Variants in CSMD2 observed in about 807,000 individuals in gnomAD.
CSMD2 encodes the protein CUB and sushi domain-containing protein 2.
In CSMD2, 130 loss-of-function variants were observed where a neutral mutation model predicts 398.5. The observed-to-expected ratio is 0.33, with a 90% CI of 0.28 to 0.38. CSMD2 has a LOEUF of 0.38. Among genes scored for constraint, CSMD2 ranks in the 10% least tolerant of loss-of-function variants. CSMD2 has a pLI of 1.00. For missense variants in CSMD2, 3,829 were observed against 4,764.9 expected (o/e 0.80, Z 5.78); for synonymous variants, 1,828 against 1,908.5 (o/e 0.96, Z 1.10).
At chr1:34,051,415 T>A (rs1212749108) in intron 2 of CSMD2, among the ~76,000 whole-genome samples, 1 of 152,192 alleles carries the variant, frequency 6.6e-6, no homozygotes, top group African/African-American at 2.4e-5. Flanking sequence ...CTTTATTTTG[T>A]TATGAGTGTT....
Position 33,935,748 on chromosome 1 carries a change from C to A in CSMD2, c.712+12G>T. ...CTGCCCCACTCTGTCAGACCCCTTG[C>A]TGGCCACCTACCTCTGCAGGAAGGC... On this transcript the variant is annotated intron_variant, in intron 4 of 70. Transcript: ENST00000373381. 1.3e-6 allele frequency: 2 copies of A among 1,587,962 alleles called. No individual in the cohort carries two copies. The highest frequency in any genetic ancestry group is 1.7e-6 in the Non-Finnish European group (2 of 1,168,148).
At position 33,904,975 on chromosome 1, in the gene CSMD2, GT is replaced by G. The variant is rs35018321; in HGVS notation, c.920+13118del. On this transcript the variant is annotated intron_variant, in intron 5 of 70. Transcript: ENST00000373381. ...GGTTTTATGTTATATATATTTTTCC[GT>G]TTTTTTTTTTAAGAGACAGGGTCTC... Among the ~76,000 whole-genome samples, 1,265 of 145,884 alleles carry G rather than the reference GT, an allele frequency of 8.7e-3. 17 individuals carry two copies. The highest frequency in any genetic ancestry group is 0.028 in the African/African-American group (1,103 of 40,096).
intron 11 of CSMD2, 88 bp downstream of exon 11, chr1:33,792,335 C>G: frequency 1.2e-6 from 1 of 857,126 alleles, no homozygotes; most frequent in South Asian, 1.4e-5. Context: ...GTAGTATGGT[C>G]TAGGGACCAG....
chr1:33,625,151 T>A lies in CSMD2; in HGVS notation c.5400A>T (p.Glu1800Asp), dbSNP rs35761029. The part of the protein sequence containing the change: ...DFSVGAIVRF[E>D]CNSGYALQGS... ...CCTGCAGGGCATAGCCGGAGTTGCA[T>A]TCGAAGCGGACGATGGCCCCCACCG... Residue 1800 changes from glutamate (E) to aspartate (D), a missense_variant, in exon 34 of 71, where the codon GAA (glutamate) becomes GAT (aspartate). Glu to Asp is a conservative substitution (Grantham distance 45, BLOSUM62 2). Coordinates refer to ENST00000373381, the MANE Select transcript of CSMD2 (RefSeq NM_001281956.2). 0.01 allele frequency: 16,390 copies of A among 1,613,526 alleles called. 558 individuals are homozygous for A. In the East Asian group the frequency reaches 0.14, roughly 14 times the overall value.
intron 22 of CSMD2, among the ~76,000 whole-genome samples, chr1:33,703,768 A>C (rs1388184104): frequency 6.6e-6 from 1 of 152,200 alleles, no homozygotes; most frequent in Non-Finnish European, 1.5e-5. Flanking sequence ...CTCTTTGAAA[A>C]GGAATAGCAA....
chr1:33,559,611 ACCTTT>A lies in CSMD2; in HGVS notation c.8381-143_8381-139del. The A allele has an allele frequency of 2.7e-6, 2 of 733,936 alleles. No homozygotes were observed. Among genetic ancestry groups the A allele is most frequent in the South Asian group, 3.7e-5 (2 of 53,520 alleles). 45.5% of individuals were successfully genotyped at this position (733,936 alleles called of 1,614,324 possible). A position where few individuals can be genotyped will look rare whatever the true frequency, so the allele number is the denominator to read the frequency against. On this transcript the variant is annotated intron_variant, in intron 53 of 70. Coordinates refer to ENST00000373381, the MANE Select transcript of CSMD2 (RefSeq NM_001281956.2). This position sits in a 1 kb window ranked among gnomAD's most constrained non-coding sequence, Gnocchi z 4.0. The stretch of plus-strand genomic sequence containing the variant: ...TAACTTCAATCTCTTTTGCTGTAAA[ACCTTT>A]ATAAACTGAAATTGTCAGGGGAACA...
chr1:34,103,453 C>T (rs1014792109), intron 1 of CSMD2, among the ~76,000 whole-genome samples: 1 of 151,978 alleles, frequency 6.6e-6, no homozygotes, highest in East Asian at 1.9e-4. Flanking sequence ...CACCCGCCAC[C>T]ACGCCCAGCT....
At chr1:34,133,942 G>A (rs1306423457) in intron 1 of CSMD2, among the ~76,000 whole-genome samples, 1 of 150,682 alleles carries the variant, frequency 6.6e-6, no homozygotes, top group Non-Finnish European at 1.5e-5. Context: ...GGTAGTGTGT[G>A]CCAATAGTCC....
chr1:33,708,416 C>T (rs1407815127), intron 22 of CSMD2, among the ~76,000 whole-genome samples: 7 of 151,986 alleles, frequency 4.6e-5, no homozygotes, highest in Admixed American at 3.9e-4. Flanking sequence ...TACATGGACA[C>T]CGATTCACAC....
intron 47 of CSMD2, 95 bp downstream of exon 47, chr1:33,583,547 G>A (rs1557574869): frequency 8.0e-7 from 1 of 1,256,124 alleles, no homozygotes; most frequent in East Asian, 2.3e-5. Flanking sequence ...CTTCTGGCAA[G>A]CCCTGATAGG....
At chr1:33,897,112 T>C (rs1217733774) in intron 5 of CSMD2, among the ~76,000 whole-genome samples, 1 of 152,100 alleles carries the variant, frequency 6.6e-6, no homozygotes, top group African/African-American at 2.4e-5. Flanking sequence ...GTGGCTCCTC[T>C]ATGGGGTAAA....
intron 56 of CSMD2, among the ~76,000 whole-genome samples, chr1:33,548,067 C>T (rs1026018247): frequency 7.2e-5 from 11 of 152,182 alleles, no homozygotes; most frequent in South Asian, 2.1e-4. Flanking sequence ...TCCTGACAGC[C>T]GTGTGAAGAT....
intron 1 of CSMD2, among the ~76,000 whole-genome samples, chr1:34,158,505 G>C (rs566456767): frequency 2.0e-5 from 3 of 152,310 alleles, no homozygotes; most frequent in South Asian, 2.1e-4. Flanking sequence ...TGGGTTGATG[G>C]GTTGAGTGAG....
intron 3 of CSMD2, among the ~76,000 whole-genome samples, chr1:33,947,179 G>A (rs1644864867): frequency 6.6e-6 from 1 of 152,278 alleles, no homozygotes; most frequent in East Asian, 1.9e-4. Context: ...CTATTGGTGA[G>A]GCTGCACACC....
At chr1:33,895,274 T>C (rs1642304956) in intron 5 of CSMD2, among the ~76,000 whole-genome samples, 1 of 152,132 alleles carries the variant, frequency 6.6e-6, no homozygotes, top group Non-Finnish European at 1.5e-5. Flanking sequence ...TGAATCCACA[T>C]CTGACCTTAG....
chr1:33,666,223 T>C (rs1230250117), intron 25 of CSMD2, among the ~76,000 whole-genome samples: 1 of 152,188 alleles, frequency 6.6e-6, no homozygotes, highest in Admixed American at 6.5e-5. Context: ...AAATTTACTC[T>C]TTTAGATAAA....
At chr1:33,911,946 T>C (rs1272788449) in intron 5 of CSMD2, among the ~76,000 whole-genome samples, 1 of 152,248 alleles carries the variant, frequency 6.6e-6, no homozygotes, top group African/African-American at 2.4e-5. Context: ...CCAGGAGGAC[T>C]AGGCAGAAGC....
intron 5 of CSMD2, chr1:33,875,624 T>C (rs905977727): frequency 6.6e-6 from 1 of 152,144 alleles, no homozygotes; most frequent in African/African-American, 2.4e-5. Flanking sequence ...GATTCGGGCT[T>C]GTGTTAGTTA....
chr1:33,598,182 A>G (rs1639964329), intron 44 of CSMD2, among the ~76,000 whole-genome samples: 1 of 152,206 alleles, frequency 6.6e-6, no homozygotes, highest in Admixed American at 6.5e-5. Flanking sequence ...TCTTTTTCTT[A>G]GGCTCAATGA....
Sources: gnomAD v4.1 joint callset for allele counts (sites outside exome capture counted in the v4.1 genomes callset) on GRCh38, gnomAD v4.1.1 for gene constraint, Gnocchi (gnomAD v3.1) non-coding constraint, MANE v1.5 for transcripts, NCBI Gene and HGNC (gene_info 2026-07-23, HGNC 2026-07-21) for gene names.